The following C8orf34 variants were observed in gnomAD, a reference collection of about 807,000 sequenced individuals.
The protein encoded by C8orf34 is chromosome 8 open reading frame 34.
Under a neutral mutation model 68.3 loss-of-function variants are expected in C8orf34, and 65 were observed. That is an observed-to-expected ratio of 0.95 (90% CI 0.78 to 1.17). The LOEUF is 1.17. C8orf34 is among the 50% of genes most tolerant of loss of function. The probability of loss-of-function intolerance (pLI) is 0.00; values close to 1 mark genes in which losing one functional copy is unlikely to be tolerated. For synonymous variants in C8orf34, 244 were observed against 241.2 expected (o/e 1.01, Z -0.11); for missense variants, 664 against 655.4 (o/e 1.01, Z -0.14).
intron 5 of C8orf34, among the ~76,000 whole-genome samples, chr8:68,503,836 T>C (rs540856163): frequency 1.3e-5 from 2 of 152,260 alleles, no homozygotes; most frequent in East Asian, 1.9e-4. Flanking sequence ...GTCCATACTA[T>C]AGTGTTAGAC....
At chr8:68,801,599 AAC>A (rs755012623) in intron 12 of C8orf34, among the ~76,000 whole-genome samples, 1 of 152,188 alleles carries the variant, frequency 6.6e-6, no homozygotes, top group Non-Finnish European at 1.5e-5. Context: ...AAAAAATGTT[AAC>A]AGTGTCTGAA....
intron 8 of C8orf34, among the ~76,000 whole-genome samples, chr8:68,665,325 G>A (rs995670299): frequency 2.0e-5 from 3 of 152,174 alleles, no homozygotes; most frequent in African/African-American, 2.4e-5. Flanking sequence ...TATTGTGTAT[G>A]TGTATGTCTG....
chr8:68,466,574 A>T (rs951821571), intron 3 of C8orf34, among the ~76,000 whole-genome samples: 2 of 151,700 alleles, frequency 1.3e-5, no homozygotes. Flanking sequence ...ACTTAGATTT[A>T]ACTTGCCCTT....
intron 8 of C8orf34, among the ~76,000 whole-genome samples, chr8:68,676,563 A>G (rs1820197483): frequency 6.6e-6 from 1 of 152,186 alleles, no homozygotes; most frequent in Non-Finnish European, 1.5e-5. Flanking sequence ...ATTTCATCCA[A>G]CAACAGCCCA....
chr8:68,782,279 T>C (rs1823698987), intron 11 of C8orf34, among the ~76,000 whole-genome samples: 1 of 152,150 alleles, frequency 6.6e-6, no homozygotes, highest in South Asian at 2.1e-4. Flanking sequence ...AGTTATGGAG[T>C]TTTAAATCTA....
intron 10 of C8orf34, among the ~76,000 whole-genome samples, chr8:68,752,881 T>C (rs528585922): frequency 8.5e-5 from 13 of 152,340 alleles, no homozygotes; most frequent in African/African-American, 3.1e-4. Flanking sequence ...TTTAACTTTA[T>C]TTTTTATGTT....
intron 7 of C8orf34, among the ~76,000 whole-genome samples, chr8:68,577,415 T>A (rs1816937378): frequency 6.6e-6 from 1 of 152,042 alleles, no homozygotes; most frequent in Admixed American, 6.6e-5. Flanking sequence ...AAAGTTCTCT[T>A]TAAATCTGCA....
intron 8 of C8orf34, among the ~76,000 whole-genome samples, chr8:68,705,295 G>A (rs912641804): frequency 2.0e-5 from 3 of 152,058 alleles, no homozygotes; most frequent in African/African-American, 7.2e-5. Flanking sequence ...TGATTCAGGG[G>A]GATGATTAGA....
At chr8:68,612,568 A>C (rs1178591299) in intron 7 of C8orf34, among the ~76,000 whole-genome samples, 2 of 152,196 alleles carry the variant, frequency 1.3e-5, no homozygotes, top group African/African-American at 4.8e-5. Context: ...CACTTTACTC[A>C]TCCAATTGTA....
At position 68,700,485 on chromosome 8, in the gene C8orf34, G is replaced by C. The variant is rs114834478; in HGVS notation, c.1242-8509G>C. ...AGAGGCAAGGTTTTGTAGGGCAGCA[G>C]TGACTTTTTTTCTGGGGTAAAAGGG... On this transcript the variant is annotated intron_variant, in intron 8 of 13. Coordinates refer to ENST00000518698, the MANE Select transcript of C8orf34 (RefSeq NM_052958.4). Among the ~76,000 whole-genome samples the C allele has an allele frequency of 2.9e-3, 436 of 152,258 alleles. 1 individual carries two copies. Among genetic ancestry groups the C allele is most frequent in the African/African-American group, 9.8e-3 (409 of 41,584 alleles).
At position 68,779,180 on chromosome 8, in the gene C8orf34, AACACACACACACACACAC is replaced by A. The variant is rs10550333; in HGVS notation, c.1455+2764_1455+2781del. On this transcript the variant is annotated intron_variant, in intron 11 of 13. Transcript: ENST00000518698. The stretch of plus-strand genomic sequence containing the variant: ...TGACAGTATAAGATCCTGTCTCTGA[AACACACACACACACACAC>A]ACACACACACACACACACACACACA... 4.0e-3 allele frequency among the ~76,000 whole-genome samples: 557 copies of A among 139,244 alleles called. 3 individuals are homozygous for A. Among genetic ancestry groups the A allele is most frequent in the African/African-American group, 0.014 (523 of 37,840 alleles). 91.3% of individuals were successfully genotyped at this position (139,244 alleles called of 152,430 possible).
At chr8:68,509,975 C>G (rs565214678) in intron 5 of C8orf34, among the ~76,000 whole-genome samples, 26 of 152,292 alleles carry the variant, frequency 1.7e-4, no homozygotes, top group African/African-American at 6.0e-4. Flanking sequence ...GCCATGGATA[C>G]TAACGTGGCC....
intron 8 of C8orf34, among the ~76,000 whole-genome samples, chr8:68,640,871 G>C (rs886548326): frequency 6.6e-6 from 1 of 152,182 alleles, no homozygotes; most frequent in Non-Finnish European, 1.5e-5. Flanking sequence ...GTTTGGCCAG[G>C]TACAGTTTAA....
chr8:68,709,038 C>G lies in C8orf34; in HGVS notation c.1286C>G (p.Pro429Arg). 6.2e-7 allele frequency: 1 copy of G among 1,610,688 alleles called. No homozygotes were observed. The highest frequency in any genetic ancestry group is 1.3e-5 in the African/African-American group (1 of 74,716). ...GAAGAAAGGACAGAAGAGTCACTAC[C>G]AATACTCCATTCTCCAGATGAAAAA... is the stretch of plus-strand genomic sequence containing the variant. Reference protein sequence around the residue: ...NLEERTEESLPILHSPDEKIP... With the variant: ...NLEERTEESLRILHSPDEKIP... Residue 429 changes from proline (P) to arginine (R), a missense_variant, in exon 9 of 14, where the codon CCA becomes CGA. Physicochemically the swap from Pro to Arg is moderately radical, Grantham distance 103. Transcript: ENST00000518698.
chr8:68,636,256 G>A (rs1324081791), intron 7 of C8orf34, among the ~76,000 whole-genome samples: 1 of 152,054 alleles, frequency 6.6e-6, no homozygotes, highest in Non-Finnish European at 1.5e-5. Context: ...AATGGCTGCA[G>A]AGACTGTGGG....
At chr8:68,443,543 C>A (rs559231437) in intron 2 of C8orf34, among the ~76,000 whole-genome samples, 5 of 151,790 alleles carry the variant, frequency 3.3e-5, no homozygotes, top group Admixed American at 2.6e-4. Context: ...TACAGGCACA[C>A]GCCAGCCACC....
rs148845215 is a variant in C8orf34, at chr8:68,726,195, A to G, written c.1404+4758A>G. ...AAGTGCTGAGATTACAGGCTGAGCC[A>G]CCATGCCTGGTCACCAATATCAAAG... On this transcript the variant is annotated intron_variant, in intron 10 of 13. Transcript: ENST00000518698. Among the ~76,000 whole-genome samples the G allele has an allele frequency of 4.3e-4, 66 of 152,288 alleles. 1 individual carries two copies. The highest frequency in any genetic ancestry group is 1.4e-3 in the African/African-American group (58 of 41,562).
At chr8:68,567,577 C>CTTTTTTTTTTTTTTTT (rs1160845483) in intron 7 of C8orf34, among the ~76,000 whole-genome samples, 2 of 29,780 alleles carry the variant, frequency 6.7e-5, no homozygotes, top group African/African-American at 2.3e-4. Flanking sequence ...TTTCATTTAT[C>CTTTTTTTTTTTTTTTT]TTTTTTTTTT....
chr8:68,708,906 G>A (rs1055955669), intron 8 of C8orf34, 88 bp from the exon 9 acceptor site: 5 of 905,270 alleles, frequency 5.5e-6, no homozygotes. Context: ...GAGTCTAGAA[G>A]TTCACAGCCA....
Sources: gnomAD v4.1 joint callset for allele counts (sites outside exome capture counted in the v4.1 genomes callset) on GRCh38, gnomAD v4.1.1 for gene constraint, MANE v1.5 for transcripts, NCBI Gene and HGNC (gene_info 2026-07-23, HGNC 2026-07-21) for gene names.